The following NAV2 variants were observed in gnomAD, a reference collection of about 807,000 sequenced individuals.
NAV2 encodes neuron navigator 2, also known as helicase, APC down-regulated 1.
NAV2 carries 54 observed loss-of-function variants against 223.2 expected under a neutral mutation model. The observed-to-expected ratio is 0.24, with a 90% CI of 0.19 to 0.30. The LOEUF is 0.30. NAV2 is among the 10% of genes least tolerant of loss of function. The pLI is 1.00. For missense variants in NAV2, 2,806 were observed against 3,147.5 expected (o/e 0.89, Z 2.60); for synonymous variants, 1,279 against 1,239.3 (o/e 1.03, Z -0.67).
intron 1 of NAV2, among the ~76,000 whole-genome samples, chr11:19,814,895 A>G (rs956340375): frequency 6.6e-6 from 1 of 152,052 alleles, no homozygotes; most frequent in African/African-American, 2.4e-5. Flanking sequence ...TCCCCCACCT[A>G]TCTAACCCAA....
intron 1 of NAV2, among the ~76,000 whole-genome samples, chr11:19,356,433 GATC>G (rs1853622520): frequency 6.6e-6 from 1 of 152,186 alleles, no homozygotes; most frequent in Non-Finnish European, 1.5e-5. Context: ...GAGGCACTGG[GATC>G]ATGATGATGA....
At chr11:20,037,104 G>A (rs2056445407) in intron 12 of NAV2, among the ~76,000 whole-genome samples, 3 of 152,120 alleles carry the variant, frequency 2.0e-5, no homozygotes, top group South Asian at 2.1e-4. Flanking sequence ...CATTGGCGTC[G>A]TAGGCTGGAA....
chr11:19,993,623 G>A (rs557023284), intron 11 of NAV2, among the ~76,000 whole-genome samples: 88 of 151,988 alleles, frequency 5.8e-4, no homozygotes, highest in African/African-American at 2.0e-3. Context: ...AGTTCATCAC[G>A]TATTTACTGC....
intron 14 of NAV2, among the ~76,000 whole-genome samples, chr11:20,046,603 C>CACACACACACACAG (rs1564921898): frequency 6.7e-6 from 1 of 148,814 alleles, no homozygotes; most frequent in Admixed American, 6.7e-5. Flanking sequence ...CCATCACACA[C>CACACACACACACAG]ACACACACAC....
At chr11:19,761,954 C>G (rs941256103) in intron 1 of NAV2, among the ~76,000 whole-genome samples, 1 of 152,206 alleles carries the variant, frequency 6.6e-6, no homozygotes, top group African/African-American at 2.4e-5. Context: ...TGTAAAACCT[C>G]AAATCTGGCT....
intron 1 of NAV2, among the ~76,000 whole-genome samples, chr11:19,645,303 G>A (rs951207036): frequency 2.6e-5 from 4 of 152,192 alleles, no homozygotes; most frequent in African/African-American, 9.7e-5. Flanking sequence ...CCTGCCTCCT[G>A]CTTTCACTTC....
chr11:19,940,325 C>T (rs530699720), intron 8 of NAV2, among the ~76,000 whole-genome samples: 47 of 152,152 alleles, frequency 3.1e-4, no homozygotes, highest in South Asian at 2.1e-4. Flanking sequence ...TACTGTATGA[C>T]GGCATAAAAT....
At chr11:19,358,814 T>G (rs1376880648) in intron 1 of NAV2, among the ~76,000 whole-genome samples, 3 of 152,194 alleles carry the variant, frequency 2.0e-5, no homozygotes, top group Non-Finnish European at 4.4e-5. Flanking sequence ...TTTCCACTGT[T>G]ATAATTTAAA....
chr11:19,573,578 G>C (rs1388835163), intron 1 of NAV2, among the ~76,000 whole-genome samples: 2 of 152,290 alleles, frequency 1.3e-5, no homozygotes, highest in African/African-American at 4.8e-5. Flanking sequence ...GCCGCGGGCA[G>C]TGCCTGACAT....
chr11:19,532,881 G>C (rs1590430781), intron 1 of NAV2, among the ~76,000 whole-genome samples: 3 of 152,182 alleles, frequency 2.0e-5, no homozygotes, highest in East Asian at 1.9e-4. Flanking sequence ...CCTGCAAAAA[G>C]GTCAACAGAA....
intron 10 of NAV2, among the ~76,000 whole-genome samples, chr11:19,964,398 C>G (rs1301715253): frequency 6.6e-6 from 1 of 152,060 alleles, no homozygotes; most frequent in East Asian, 1.9e-4. Flanking sequence ...ATAATAATGA[C>G]CATTGTAATA....
chr11:19,347,350 A>T (rs1564865471), upstream of NAV2, among the ~76,000 whole-genome samples: 1 of 152,088 alleles, frequency 6.6e-6, no homozygotes, highest in African/African-American at 2.4e-5. Context: ...TAAGACTAGG[A>T]AGCTTTTTCC....
At chr11:19,784,121 G>A (rs1159536429) in intron 1 of NAV2, among the ~76,000 whole-genome samples, 1 of 151,796 alleles carries the variant, frequency 6.6e-6, no homozygotes, top group East Asian at 1.9e-4. Flanking sequence ...AGTCGCAGTG[G>A]CTTATGCCTG....
intron 1 of NAV2, among the ~76,000 whole-genome samples, chr11:19,536,460 A>C (rs551593961): frequency 6.6e-6 from 1 of 152,332 alleles, no homozygotes; most frequent in South Asian, 2.1e-4. Context: ...ACTGAAGTAC[A>C]TGTTAAAAAT....
At position 20,106,211 on chromosome 11, in the gene NAV2, A is replaced by G. The variant is rs1377242563; in HGVS notation, c.6841+484A>G. On this transcript the variant is annotated intron_variant, in intron 35 of 37. Transcript: ENST00000349880. ...TATATATATATATATATATATATAT[A>G]TATATATATATATATATATGCTTTA... Among the ~76,000 whole-genome samples the G allele has an allele frequency of 9.4e-3, 824 of 87,914 alleles. 68 individuals are homozygous for G. The highest frequency in any genetic ancestry group is 0.023 in the South Asian group (55 of 2,426). The allele number at this position is 87,914 out of a possible 152,430, so 57.7% of individuals were successfully genotyped here. A position where few individuals can be genotyped will look rare whatever the true frequency, so the allele number is the denominator to read the frequency against.
chr11:19,812,939 A>G (rs2058909562), intron 1 of NAV2, among the ~76,000 whole-genome samples: 1 of 152,116 alleles, frequency 6.6e-6, no homozygotes, highest in African/African-American at 2.4e-5. Context: ...GCTTGGCAGG[A>G]GGCAAGGCCT....
At position 19,600,606 on chromosome 11, in the gene NAV2, T is replaced by C. The variant is rs181724398; in HGVS notation, c.76-231878T>C. Among the ~76,000 whole-genome samples the C allele has an allele frequency of 3.2e-4, 48 of 152,342 alleles. No homozygotes were observed. In the South Asian group the frequency reaches 6.0e-3, roughly 19 times the overall value. ...AGAATAACTGGGTTCAAATCTCACC[T>C]CTTCTGCTGGGTAGTTGTGTGATTT... On this transcript the variant is annotated intron_variant, in intron 1 of 37. Transcript: ENST00000360655.
chr11:19,964,520 C>T (rs150869265), intron 10 of NAV2, among the ~76,000 whole-genome samples: 2 of 147,876 alleles, frequency 1.4e-5, no homozygotes, highest in Non-Finnish European at 3.0e-5. Flanking sequence ...GAGACAGGAG[C>T]TTAGGAGCTC....
At chr11:20,015,917 G>T (rs76234355) in intron 11 of NAV2, among the ~76,000 whole-genome samples, 17 of 152,132 alleles carry the variant, frequency 1.1e-4, no homozygotes, top group African/African-American at 3.4e-4. Context: ...TGACCTGGAG[G>T]TGTTCACTCC....
Sources: allele counts gnomAD v4.1 joint callset (sites outside exome capture counted in the v4.1 genomes callset), GRCh38; gene constraint gnomAD v4.1.1; transcripts MANE v1.5; gene names NCBI Gene and HGNC (gene_info 2026-07-23, HGNC 2026-07-21).